Variants in CNTNAP2 observed in about 807,000 individuals in gnomAD.
CNTNAP2 encodes the protein contactin associated protein 2.
In CNTNAP2, 98 loss-of-function variants were observed where a neutral mutation model predicts 155.2. That is an observed-to-expected ratio of 0.63 (90% CI 0.54 to 0.75). The LOEUF (loss-of-function observed/expected upper bound fraction) is 0.75, where lower values mean the gene tolerates loss of function less well. Ranked by LOEUF, CNTNAP2 falls within the 30% of genes least tolerant of loss-of-function variation. The pLI is 0.00. For synonymous variants in CNTNAP2, 651 were observed against 631.2 expected (o/e 1.03, Z -0.47); for missense variants, 1,727 against 1,688.1 (o/e 1.02, Z -0.40).
intron 8 of CNTNAP2, among the ~76,000 whole-genome samples, chr7:147,154,691 G>A (rs1026095451): frequency 6.6e-6 from 1 of 152,080 alleles, no homozygotes; most frequent in Non-Finnish European, 1.5e-5. Flanking sequence ...GGAGAGTTCT[G>A]TTTTAAACTG....
Position 147,114,421 on chromosome 7 carries a change from C to G in CNTNAP2, c.754+6071C>G, listed in dbSNP as rs1398720886. On this transcript the variant is annotated intron_variant, in intron 5 of 23. Transcript: ENST00000361727. ...TATTGTCAGTGGGGTATTAAAGTCTCCCACTATTATTGTGTAGGAATCTAA... is the reference window on the plus strand; with the variant it reads ...TATTGTCAGTGGGGTATTAAAGTCTGCCACTATTATTGTGTAGGAATCTAA... 2.0e-5 allele frequency among the ~76,000 whole-genome samples: 3 copies of G among 152,152 alleles called. No homozygotes were observed. The East Asian group carries it at 5.8e-4, about 29-fold the overall frequency.
chr7:147,110,730 A>T (rs2129280169), intron 5 of CNTNAP2, among the ~76,000 whole-genome samples: 1 of 152,326 alleles, frequency 6.6e-6, no homozygotes, highest in South Asian at 2.1e-4. Flanking sequence ...GCTGCGTAGT[A>T]TTCCATGGTG....
intron 1 of CNTNAP2, among the ~76,000 whole-genome samples, chr7:146,745,390 A>G (rs1480274159): frequency 6.6e-6 from 1 of 152,164 alleles, no homozygotes; most frequent in Non-Finnish European, 1.5e-5. Flanking sequence ...GGTAAGTTAA[A>G]TGACTTGCAG....
chr7:147,929,274 G>A (rs760417233), intron 14 of CNTNAP2, among the ~76,000 whole-genome samples: 1 of 152,018 alleles, frequency 6.6e-6, no homozygotes, highest in African/African-American at 2.4e-5. Flanking sequence ...AGGGATAGAA[G>A]AGATATTATT....
At chr7:147,494,997 C>G (rs1388934647) in intron 11 of CNTNAP2, among the ~76,000 whole-genome samples, 1 of 152,154 alleles carries the variant, frequency 6.6e-6, no homozygotes, top group African/African-American at 2.4e-5. Flanking sequence ...TTATGCATCT[C>G]TTTTGTATGT....
intron 10 of CNTNAP2, among the ~76,000 whole-genome samples, chr7:147,448,484 G>GTGTATATATATATATATA (rs778509274): frequency 7.7e-5 from 11 of 143,414 alleles, no homozygotes; most frequent in Admixed American, 2.1e-4. Flanking sequence ...GTGTGTGTGT[G>GTGTATATATATATATATA]TATATATATA....
intron 13 of CNTNAP2, among the ~76,000 whole-genome samples, chr7:147,642,802 T>G (rs528998017): frequency 6.6e-6 from 1 of 152,366 alleles, no homozygotes; most frequent in South Asian, 2.1e-4. Context: ...TAAATAATAC[T>G]TCAAAAATCA....
At chr7:147,628,045 T>C (rs965442055) in intron 12 of CNTNAP2, among the ~76,000 whole-genome samples, 1 of 151,980 alleles carries the variant, frequency 6.6e-6, no homozygotes, top group Non-Finnish European at 1.5e-5. Context: ...ATTTAAAAGT[T>C]TGGAAAGCAT....
intron 9 of CNTNAP2, among the ~76,000 whole-genome samples, chr7:147,306,336 G>A (rs903833469): frequency 7.2e-5 from 11 of 152,114 alleles, no homozygotes; most frequent in African/African-American, 2.7e-4. Flanking sequence ...AAAAGTTAGA[G>A]GCATTCAAAC....
intron 13 of CNTNAP2, 101 bp from the exon 14 acceptor site, chr7:147,903,464 T>C: frequency 7.7e-7 from 1 of 1,297,576 alleles, no homozygotes; most frequent in Non-Finnish European, 1.1e-6. Flanking sequence ...TTGAGTGATG[T>C]TCAGACTATC....
intron 4 of CNTNAP2, among the ~76,000 whole-genome samples, chr7:147,079,442 T>C (rs942184231): frequency 2.0e-4 from 31 of 152,130 alleles, no homozygotes; most frequent in Admixed American, 5.2e-4. Context: ...ACAGCCTGAC[T>C]CCTTCTTTAT....
chr7:147,003,386 G>T lies in CNTNAP2; in HGVS notation c.403-40521G>T, dbSNP rs112932936. Among the ~76,000 whole-genome samples the T allele has an allele frequency of 4.5e-4, 68 of 151,580 alleles. 1 individual carries two copies. The highest frequency in any genetic ancestry group is 1.6e-3 in the African/African-American group (65 of 41,348). ...AAAAGGGGCTATAAACAAAAAGCGA[G>T]AAAAAAATAATTATTGTACACTACA... On this transcript the variant is annotated intron_variant, in intron 3 of 23. Transcript: ENST00000361727.
intron 1 of CNTNAP2, among the ~76,000 whole-genome samples, chr7:146,388,341 G>A (rs1027743135): frequency 3.3e-5 from 5 of 151,860 alleles, no homozygotes; most frequent in Non-Finnish European, 7.4e-5. Flanking sequence ...AGTATGAGGT[G>A]GGAGGATCAC....
In CNTNAP2 at chr7:147,639,206, C is replaced by T. The variant is rs759797092; in HGVS notation, c.1998C>T (p.Ser666=). The part of the protein sequence containing the change: ...EKYSVTQLVY[S]ASMDQISAIT... ...ACTCAGTGACACAGCTCGTTTACAG[C>T]GCCTCCATGGACCAGATAAGTGCCA... The change falls in exon 13 of 24, where the codon AGC becomes AGT. Residue 666 remains serine (S), a synonymous_variant. Coordinates refer to ENST00000361727, the MANE Select transcript of CNTNAP2 (RefSeq NM_014141.6). 73 of 1,613,992 alleles carry T rather than the reference C, an allele frequency of 4.5e-5. 1 individual carries two copies. The highest frequency in any genetic ancestry group is 3.0e-4 in the South Asian group (27 of 91,090).
At chr7:146,139,404 G>A (rs947753539) in intron 1 of CNTNAP2, among the ~76,000 whole-genome samples, 14 of 152,200 alleles carry the variant, frequency 9.2e-5, no homozygotes, top group African/African-American at 2.6e-4. Context: ...TAAGAGTGCT[G>A]TATTTTGCTA....
intron 1 of CNTNAP2, among the ~76,000 whole-genome samples, chr7:146,131,868 G>A (rs1000475457): frequency 6.6e-6 from 1 of 152,108 alleles, no homozygotes; most frequent in African/African-American, 2.4e-5. Flanking sequence ...GTGATAGTGA[G>A]TGAGTCTCAA....
intron 13 of CNTNAP2, among the ~76,000 whole-genome samples, chr7:147,680,504 G>C (rs1257193886): frequency 6.6e-6 from 1 of 151,800 alleles, no homozygotes. Flanking sequence ...CAATATATTG[G>C]GGCCCCGGCT....
At chr7:146,857,216 GGAGAGA>G (rs61258419) in intron 3 of CNTNAP2, among the ~76,000 whole-genome samples, 3 of 146,680 alleles carry the variant, frequency 2.0e-5, no homozygotes, top group East Asian at 4.0e-4. Context: ...AGAAGGAGAG[GGAGAGA>G]GAGAGAGAGA....
At chr7:148,092,503 T>C (rs1481387669) in intron 15 of CNTNAP2, among the ~76,000 whole-genome samples, 2 of 152,126 alleles carry the variant, frequency 1.3e-5, no homozygotes, top group African/African-American at 2.4e-5. Context: ...ACTTAGGAAC[T>C]TAAAGGAAAG....
Sources: allele counts gnomAD v4.1 joint callset (sites outside exome capture counted in the v4.1 genomes callset), GRCh38; gene constraint gnomAD v4.1.1; transcripts MANE v1.5; gene names NCBI Gene and HGNC (gene_info 2026-07-23, HGNC 2026-07-21).